The following COPS7B variants were observed in gnomAD, a reference collection of about 807,000 sequenced individuals.
The protein encoded by COPS7B is COP9 signalosome subunit 7B, also known as COP9 signalosome complex subunit 7b.
A neutral mutation model predicts 33.4 loss-of-function variants in COPS7B; 9 were observed. The observed-to-expected ratio is 0.27, with a 90% CI of 0.16 to 0.47. The LOEUF (loss-of-function observed/expected upper bound fraction) is 0.47, where lower values mean the gene tolerates loss of function less well. Among genes scored for constraint, COPS7B ranks in the 20% least tolerant of loss-of-function variants. The probability of loss-of-function intolerance (pLI) is 0.99; values close to 1 mark genes in which losing one functional copy is unlikely to be tolerated. For synonymous variants in COPS7B, 119 were observed against 126.3 expected (o/e 0.94, Z 0.39); for missense variants, 242 against 318.2 (o/e 0.76, Z 1.82).
chr2:231,799,364 C>G (rs1175799053), intron 6 of COPS7B, among the ~76,000 whole-genome samples: 1 of 151,974 alleles, frequency 6.6e-6, no homozygotes, highest in Non-Finnish European at 1.5e-5. Flanking sequence ...GCTTCAAGGC[C>G]CTGGGAGTGT....
intron 6 of COPS7B, among the ~76,000 whole-genome samples, chr2:231,800,148 G>A (rs148935657): frequency 3.3e-5 from 5 of 152,332 alleles, no homozygotes; most frequent in African/African-American, 1.2e-4. Flanking sequence ...GGAAGTATGA[G>A]GCTGGGTGCA....
chr2:231,796,234 G>A lies in COPS7B; in HGVS notation c.456G>A (p.Leu152=), dbSNP rs2049566482. The change falls in exon 5 of 7, where the codon CTG becomes CTA. Residue 152 remains leucine, a synonymous_variant. Transcript: ENST00000350033. ...AGCTGGACCAGCGAAACCAGCTGCTGGAAGTGGATTTCTGCATTGGCCGTG... is the reference window on the plus strand; with the variant it reads ...AGCTGGACCAGCGAAACCAGCTGCTAGAAGTGGATTTCTGCATTGGCCGTG... The part of the protein sequence containing the change: ...QGKLDQRNQL[L]EVDFCIGRDI... 1 of 1,614,190 alleles carries A rather than the reference G, an allele frequency of 6.2e-7. No individual in the cohort carries two copies. Among genetic ancestry groups the A allele is most frequent in the Non-Finnish European group, 8.5e-7 (1 of 1,180,038 alleles).
chr2:231,790,800 G>T (rs1457896043), intron 2 of COPS7B: 1 of 150,206 alleles, frequency 6.7e-6, no homozygotes, highest in African/African-American at 2.4e-5. Context: ...CTGCAGTGGC[G>T]CAATCTCGGC....
At chr2:231,788,414 G>T in intron 1 of COPS7B, 141 bp from the exon 2 acceptor site, 1 of 738,404 alleles carries the variant, frequency 1.4e-6, no homozygotes, top group Non-Finnish European at 2.1e-6. Context: ...GGGATTACAG[G>T]CATGAGCCAC....
intron 5 of COPS7B, among the ~76,000 whole-genome samples, chr2:231,797,305 C>T (rs1487532993): frequency 6.6e-6 from 1 of 152,192 alleles, no homozygotes; most frequent in Non-Finnish European, 1.5e-5. Context: ...ACATGTGTTG[C>T]TCACCCCTCA....
In COPS7B at chr2:231,800,179, C is replaced by T. The variant is rs763913052; in HGVS notation, c.636+1215C>T. 5.3e-4 allele frequency among the ~76,000 whole-genome samples: 80 copies of T among 152,176 alleles called. 1 individual carries two copies. Among genetic ancestry groups the T allele is most frequent in the Non-Finnish European group, 1.3e-4 (9 of 68,036 alleles). On this transcript the variant is annotated intron_variant, in intron 6 of 6. Transcript: ENST00000350033. ...GTGCAGTGGTTCACACCTGTAATCC[C>T]AACACTTTGAGAGACCGAGGAGGAA...
rs1377793211 is a variant in COPS7B, at chr2:231,807,994, C to T, written c.*349C>T. 4 of 203,542 alleles carry T rather than the reference C, an allele frequency of 2.0e-5. No homozygotes were observed. Among genetic ancestry groups the T allele is most frequent in the Middle Eastern group, 1.9e-3 (1 of 532 alleles). The allele number at this position is 203,542 out of a possible 1,614,324, so 12.6% of individuals were successfully genotyped here. A position where few individuals can be genotyped will look rare whatever the true frequency, so the allele number is the denominator to read the frequency against. On this transcript the variant is annotated 3_prime_UTR_variant, in exon 7 of 7. Coordinates refer to ENST00000350033, the MANE Select transcript of COPS7B (RefSeq NM_022730.4). ...TCATTTTGTCAGGCTGGTTATAAGC[C>T]GGAGGCAGCTTTAACCAGCCCCCAG...
rs1446339019 is a variant in COPS7B at position 231,808,241 on chromosome 2, G to A, written c.*596G>A. 2 of 352,340 alleles carry A rather than the reference G, an allele frequency of 5.7e-6. No homozygotes were observed. Among genetic ancestry groups the A allele is most frequent in the Non-Finnish European group, 1.2e-5 (2 of 173,148 alleles). The allele number at this position is 352,340 out of a possible 1,614,324, so 21.8% of individuals were successfully genotyped here. A position where few individuals can be genotyped will look rare whatever the true frequency, so the allele number is the denominator to read the frequency against. ...AACCCACGGGTTTTCAGCCTCTTAA[G>A]CCCAGCTCCGATCTCCAATTAGTTG... On this transcript the variant is annotated 3_prime_UTR_variant, in exon 7 of 7. Coordinates refer to ENST00000350033, the MANE Select transcript of COPS7B (RefSeq NM_022730.4).
At chr2:231,804,736 C>T (rs1387680760) in intron 6 of COPS7B, among the ~76,000 whole-genome samples, 4 of 151,946 alleles carry the variant, frequency 2.6e-5, no homozygotes, top group Non-Finnish European at 5.9e-5. Flanking sequence ...AAATACAGTC[C>T]TTGAAACAAA....
chr2:231,805,923 A>G (rs566035794), intron 6 of COPS7B, among the ~76,000 whole-genome samples: 11 of 152,050 alleles, frequency 7.2e-5, no homozygotes, highest in South Asian at 4.2e-4. Flanking sequence ...TGCTAGAAGT[A>G]TAGGTGTGAG....
intron 6 of COPS7B, among the ~76,000 whole-genome samples, chr2:231,801,477 G>A (rs1053716399): frequency 2.0e-5 from 3 of 152,162 alleles, no homozygotes; most frequent in Non-Finnish European, 4.4e-5. Context: ...CTGTCACCCA[G>A]GCTGGAGTGC....
intron 2 of COPS7B, 155 bp from the exon 3 acceptor site, chr2:231,791,578 A>C: frequency 3.3e-6 from 2 of 601,228 alleles, no homozygotes; most frequent in Non-Finnish European, 5.9e-6. Context: ...TTCCCGAAGA[A>C]CCAGAGTTGG....
intron 4 of COPS7B, 47 bp from the exon 5 acceptor site, chr2:231,796,059 A>G (rs772162511): frequency 1.3e-6 from 2 of 1,563,502 alleles, no homozygotes; most frequent in Non-Finnish European, 1.8e-6. Context: ...ATTTTCGCTA[A>G]TGCTTGCCAG....
chr2:231,798,499 C>T (rs1022729396), intron 5 of COPS7B, among the ~76,000 whole-genome samples: 1 of 152,126 alleles, frequency 6.6e-6, no homozygotes, highest in African/African-American at 2.4e-5. Context: ...TGGTGATCCA[C>T]CCACCTCGGC....
intron 4 of COPS7B, among the ~76,000 whole-genome samples, chr2:231,795,235 T>A (rs565059133): frequency 2.5e-3 from 374 of 152,144 alleles, no homozygotes; most frequent in African/African-American, 8.4e-3. Flanking sequence ...ACTTAAAAAA[T>A]TTTTTAAATT....
chr2:231,805,793 C>T (rs1481362829), intron 6 of COPS7B, among the ~76,000 whole-genome samples: 1 of 151,496 alleles, frequency 6.6e-6, no homozygotes, highest in Non-Finnish European at 1.5e-5. Flanking sequence ...CAGGTGCATG[C>T]CACCATACCT....
intron 1 of COPS7B, among the ~76,000 whole-genome samples, chr2:231,787,483 A>G (rs577038631): frequency 6.6e-6 from 1 of 152,292 alleles, no homozygotes; most frequent in Non-Finnish European, 1.5e-5. Flanking sequence ...AGATTACACA[A>G]TTGAGGGACC....
intron 2 of COPS7B, chr2:231,790,340 C>T (rs1285505978): frequency 6.6e-6 from 1 of 152,166 alleles, no homozygotes; most frequent in African/African-American, 2.4e-5. Context: ...ATGCTCTTTT[C>T]CGGCTAGTTT....
chr2:231,782,043 T>C (rs2049142976), upstream of COPS7B, among the ~76,000 whole-genome samples: 1 of 152,198 alleles, frequency 6.6e-6, no homozygotes, highest in South Asian at 2.1e-4. Flanking sequence ...CTATGGATTG[T>C]ATACTCAGAA....
Sources: gnomAD v4.1 joint callset for allele counts (sites outside exome capture counted in the v4.1 genomes callset) on GRCh38, gnomAD v4.1.1 for gene constraint, MANE v1.5 for transcripts, NCBI Gene and HGNC (gene_info 2026-07-23, HGNC 2026-07-21) for gene names.